OSBPL10: variants seen among roughly 807,000 people sequenced by gnomAD.
OSBPL10 encodes the protein oxysterol binding protein like 10, also known as oxysterol-binding protein-related protein 10.
In OSBPL10, 49 loss-of-function variants were observed where a neutral mutation model predicts 81.7. The observed-to-expected ratio is 0.60, with a 90% CI of 0.48 to 0.76. OSBPL10 has a LOEUF of 0.76. OSBPL10 is among the 30% of genes least tolerant of loss of function. OSBPL10 has a pLI of 0.00. For synonymous variants in OSBPL10, 419 were observed against 383.6 expected (o/e 1.09, Z -1.08); for missense variants, 923 against 987.8 (o/e 0.93, Z 0.88).
chr3:31,684,469 T>C (rs977523605), intron 7 of OSBPL10, among the ~76,000 whole-genome samples: 2 of 152,216 alleles, frequency 1.3e-5, no homozygotes, highest in Non-Finnish European at 2.9e-5. Flanking sequence ...CTTTTCTGTA[T>C]TCCCCCTGCC....
intron 7 of OSBPL10, among the ~76,000 whole-genome samples, chr3:31,700,892 G>A (rs553679486): frequency 8.5e-5 from 13 of 152,290 alleles, no homozygotes; most frequent in East Asian, 1.9e-4. Flanking sequence ...AGAACAAGTC[G>A]TCATAGCTTG....
chr3:32,028,989 C>CACACACACACACA (rs1575088502), intron 2 of OSBPL10, among the ~76,000 whole-genome samples: 6 of 144,594 alleles, frequency 4.1e-5, no homozygotes, highest in Non-Finnish European at 7.5e-5. Flanking sequence ...CACACACACA[C>CACACACACACACA]CAGGAATGTT....
At chr3:31,816,713 T>C (rs759894816) in intron 4 of OSBPL10, among the ~76,000 whole-genome samples, 1 of 151,922 alleles carries the variant, frequency 6.6e-6, no homozygotes, top group Non-Finnish European at 1.5e-5. Context: ...CGCAGACAAG[T>C]GAAGGGTGAA....
Position 31,988,970 on chromosome 3 carries a change from C to A in OSBPL10, n.298+57521G>T, listed in dbSNP as rs1360627790. 4 of 1,442,300 alleles carry A rather than the reference C, an allele frequency of 2.8e-6. No homozygotes were observed. The East Asian group carries it at 9.3e-5, about 33-fold the overall frequency. 89.3% of individuals were successfully genotyped at this position (1,442,300 alleles called of 1,614,324 possible). A position where few individuals can be genotyped will look rare whatever the true frequency, so the allele number is the denominator to read the frequency against. ...GATAATCAGTGTTTGTTGCCTTAAG[C>A]CACGAAGTTTGTGATAATTTGTTTC... On this transcript the variant is annotated intron_variant and non_coding_transcript_variant, in intron 2 of 3. Transcript: ENST00000479173.
At chr3:31,801,603 C>A (rs1257220260) in intron 4 of OSBPL10, among the ~76,000 whole-genome samples, 2 of 152,146 alleles carry the variant, frequency 1.3e-5, no homozygotes, top group Admixed American at 1.3e-4. Flanking sequence ...TAGCTGTGAC[C>A]GTGTTCACAC....
intron 3 of OSBPL10, among the ~76,000 whole-genome samples, chr3:31,845,573 G>C (rs1030137245): frequency 1.3e-5 from 2 of 152,132 alleles, no homozygotes; most frequent in African/African-American, 4.8e-5. Flanking sequence ...TCAACTTCCT[G>C]ATAACATTGA....
chr3:31,712,277 A>C (rs753640747), intron 6 of OSBPL10, among the ~76,000 whole-genome samples: 3 of 152,164 alleles, frequency 2.0e-5, no homozygotes, highest in Non-Finnish European at 4.4e-5. Context: ...TGGCCTATTC[A>C]ACATCTCCCC....
intron 6 of OSBPL10, among the ~76,000 whole-genome samples, chr3:31,727,280 A>G (rs766837371): frequency 1.3e-5 from 2 of 152,126 alleles, no homozygotes; most frequent in Non-Finnish European, 2.9e-5. Flanking sequence ...TTTTGCGTCA[A>G]CCTAAGTTCT....
At chr3:31,865,509 GC>G (rs1308489575) in intron 3 of OSBPL10, among the ~76,000 whole-genome samples, 1 of 152,120 alleles carries the variant, frequency 6.6e-6, no homozygotes, top group Non-Finnish European at 1.5e-5. Context: ...TGGTCTGAAG[GC>G]TTGTGTCTTC....
intron 2 of OSBPL10, among the ~76,000 whole-genome samples, chr3:32,040,076 C>A (rs1051314786): frequency 6.6e-6 from 1 of 152,152 alleles, no homozygotes; most frequent in African/African-American, 2.4e-5. Flanking sequence ...TATGACTCAA[C>A]AACTCCACTC....
chr3:32,075,673 A>T (rs184416114), intron 1 of OSBPL10, among the ~76,000 whole-genome samples: 23 of 152,180 alleles, frequency 1.5e-4, no homozygotes, highest in Admixed American at 3.9e-4. Flanking sequence ...GCCCTGAGAG[A>T]CATTGCCCAT....
chr3:31,909,131 T>C (rs1696502678), intron 1 of OSBPL10, among the ~76,000 whole-genome samples: 1 of 152,186 alleles, frequency 6.6e-6, no homozygotes, highest in Non-Finnish European at 1.5e-5. Flanking sequence ...TACCTAGAGG[T>C]TAATGAGCAA....
At chr3:31,742,739 C>T (rs572654604) in intron 5 of OSBPL10, among the ~76,000 whole-genome samples, 1 of 152,288 alleles carries the variant, frequency 6.6e-6, no homozygotes, top group Non-Finnish European at 1.5e-5. Context: ...GCATGGAGGG[C>T]AGAGTACTCT....
At chr3:31,938,829 C>A (rs1033494432) in intron 1 of OSBPL10, among the ~76,000 whole-genome samples, 1 of 152,154 alleles carries the variant, frequency 6.6e-6, no homozygotes, top group South Asian at 2.1e-4. Flanking sequence ...TTTGCCCAAG[C>A]CTCAGGGTCC....
intron 2 of OSBPL10, 111 bp downstream of exon 2, chr3:31,879,544 A>C (rs1701566116): frequency 1.4e-5 from 17 of 1,182,326 alleles, no homozygotes; most frequent in Non-Finnish European, 2.0e-5. Context: ...AGTCCTCCAA[A>C]CACAGCAAAC....
intron 3 of OSBPL10, among the ~76,000 whole-genome samples, chr3:31,860,223 TCACTG>T (rs1295587822): frequency 2.0e-5 from 3 of 152,176 alleles, no homozygotes; most frequent in Non-Finnish European, 4.4e-5. Flanking sequence ...TCTGCATCAT[TCACTG>T]CACGAAGCAC....
chr3:31,733,469 A>T, intron 5 of OSBPL10, 58 bp from the exon 6 acceptor site: 1 of 1,603,810 alleles, frequency 6.2e-7, no homozygotes, highest in Non-Finnish European at 8.5e-7. Context: ...TTTATAGCTC[A>T]TGAAATATTT....
intron 4 of OSBPL10, among the ~76,000 whole-genome samples, chr3:31,771,991 G>A (rs1698393801): frequency 6.6e-6 from 1 of 152,136 alleles, no homozygotes; most frequent in African/African-American, 2.4e-5. Flanking sequence ...TAGATTCAGT[G>A]TAAAACATAT....
chr3:31,970,751 C>T (rs1346821095), intron 1 of OSBPL10, among the ~76,000 whole-genome samples: 1 of 152,224 alleles, frequency 6.6e-6, no homozygotes. Context: ...GTAACACAGA[C>T]ATTTTGTGAT....
Sources: gnomAD v4.1 joint callset for allele counts (sites outside exome capture counted in the v4.1 genomes callset) on GRCh38, gnomAD v4.1.1 for gene constraint, MANE v1.5 for transcripts, NCBI Gene and HGNC (gene_info 2026-07-23, HGNC 2026-07-21) for gene names.